The following SORBS3 variants were observed in gnomAD, a reference collection of about 807,000 sequenced individuals.
SORBS3 encodes sorbin and SH3 domain containing 3, also known as vinexin.
Under a neutral mutation model 98.0 loss-of-function variants are expected in SORBS3, and 69 were observed. The observed-to-expected ratio is 0.70, with a 90% CI of 0.58 to 0.86. SORBS3 has a LOEUF of 0.86. SORBS3 is among the 40% of genes least tolerant of loss of function. SORBS3 has a pLI of 0.00. For synonymous variants in SORBS3, 394 were observed against 355.4 expected (o/e 1.11, Z -1.22); for missense variants, 954 against 908.5 (o/e 1.05, Z -0.64).
At chr8:22,558,226 A>T (rs775696397) in intron 5 of SORBS3, 34 bp downstream of exon 5, 1 of 1,602,420 alleles carries the variant, frequency 6.2e-7, no homozygotes, top group Non-Finnish European at 8.6e-7. Context: ...CTCCCTGCCA[A>T]AGTGGATTCT....
At position 22,552,013 on chromosome 8, in the gene SORBS3, G is replaced by T; in HGVS notation, c.-65G>T. Reference sequence around the variant, plus strand: ...CGGCCTCGGGCCCAGCCACCTGCTCGCCGGGGAAGGTAGGTCCGGGCAAGG... The same window carrying T: ...CGGCCTCGGGCCCAGCCACCTGCTCTCCGGGGAAGGTAGGTCCGGGCAAGG... On this transcript the variant is annotated 5_prime_UTR_variant, in exon 1 of 21. Transcript: ENST00000240123. 1 of 985,084 alleles carries T rather than the reference G, an allele frequency of 1.0e-6. No homozygotes were observed. The highest frequency in any genetic ancestry group is 1.2e-6 in the Non-Finnish European group (1 of 829,868). The allele number at this position is 985,084 out of a possible 1,614,324, so 61.0% of individuals were successfully genotyped here. A position where few individuals can be genotyped will look rare whatever the true frequency, so the allele number is the denominator to read the frequency against.
intron 1 of SORBS3, among the ~76,000 whole-genome samples, chr8:22,552,241 G>T (rs892544925): frequency 1.4e-4 from 21 of 152,282 alleles, no homozygotes; most frequent in Middle Eastern, 3.4e-3. Flanking sequence ...AGCTCTTAGG[G>T]CCAGGCACCC....
chr8:22,574,266 G>A (rs190399048), intron 20 of SORBS3, among the ~76,000 whole-genome samples: 4 of 152,216 alleles, frequency 2.6e-5, no homozygotes, highest in East Asian at 1.9e-4. Flanking sequence ...GGGTGCTCTC[G>A]GGCAATGCAT....
chr8:22,560,561 TTGAG>T (rs2117239543), intron 5 of SORBS3, among the ~76,000 whole-genome samples: 1 of 152,006 alleles, frequency 6.6e-6, no homozygotes, highest in South Asian at 2.1e-4. Flanking sequence ...AGCTGATGGG[TTGAG>T]TAAGATGAAT....
At chr8:22,574,481 C>G (rs776419505) in intron 20 of SORBS3, among the ~76,000 whole-genome samples, 186 bp from the exon 21 acceptor site, 2 of 152,152 alleles carry the variant, frequency 1.3e-5, no homozygotes, top group Non-Finnish European at 2.9e-5. Context: ...GGAAGTGTAG[C>G]TTTGCCCATC....
At chr8:22,557,120 C>T (rs1014479603) in intron 4 of SORBS3, among the ~76,000 whole-genome samples, 3 of 152,108 alleles carry the variant, frequency 2.0e-5, no homozygotes, top group African/African-American at 4.8e-5. Context: ...GTGGTTTGTG[C>T]GGGGTACAGA....
upstream of SORBS3, among the ~76,000 whole-genome samples, chr8:22,547,331 T>TA (rs1840026289): frequency 6.6e-6 from 1 of 152,086 alleles, no homozygotes; most frequent in Non-Finnish European, 1.5e-5. Flanking sequence ...TCTTGCCTTT[T>TA]TTTTTTTTAT....
intron 5 of SORBS3, among the ~76,000 whole-genome samples, chr8:22,559,616 T>C (rs570239479): frequency 2.0e-5 from 3 of 151,982 alleles, no homozygotes; most frequent in African/African-American, 7.2e-5. Context: ...GGCAGGAGAA[T>C]TGCTTGAACC....
chr8:22,566,473 C>T lies in SORBS3; in HGVS notation c.1079C>T (p.Ser360Phe), dbSNP rs1402549095. The T allele has an allele frequency of 1.2e-6, 2 of 1,613,634 alleles. No homozygotes were observed. Among genetic ancestry groups the T allele is most frequent in the Non-Finnish European group, 1.7e-6 (2 of 1,179,820 alleles). Reference sequence around the variant, plus strand: ...GGTCGGAGGGACTTTGTCTACCCTTCCTCAACCCGAGGTAAGGACCCAGCC... The same window carrying T: ...GGTCGGAGGGACTTTGTCTACCCTTTCTCAACCCGAGGTAAGGACCCAGCC... The part of the protein sequence containing the change: ...FLGRRDFVYP[S>F]STRDPSASNG... Residue 360 changes from serine to phenylalanine, a missense_variant, in exon 13 of 21, where the codon TCC becomes TTC. By Grantham distance (155) the Ser-to-Phe change is radical. Coordinates refer to ENST00000240123, the MANE Select transcript of SORBS3 (RefSeq NM_005775.5).
chr8:22,557,046 G>C, intron 4 of SORBS3, 138 bp downstream of exon 4: 1 of 977,746 alleles, frequency 1.0e-6, no homozygotes, highest in African/African-American at 1.6e-5. Context: ...TTCAACCGTG[G>C]TGGGGTTCAG....
intron 5 of SORBS3, among the ~76,000 whole-genome samples, chr8:22,559,506 G>C (rs570537606): frequency 7.6e-4 from 115 of 152,276 alleles, no homozygotes; most frequent in Non-Finnish European, 1.5e-3. Flanking sequence ...TTCGAGACCA[G>C]CCTGGGCAAC....
upstream of SORBS3, chr8:22,544,985 C>T (rs902879258): frequency 2.6e-5 from 4 of 152,192 alleles, no homozygotes; most frequent in East Asian, 5.8e-4. Flanking sequence ...TTTCCTTGCC[C>T]AGGCAGAAAA....
chr8:22,564,867 C>T, intron 10 of SORBS3: 1 of 852,792 alleles, frequency 1.2e-6, no homozygotes. Flanking sequence ...CAGGAAGCAG[C>T]GTGGGGGTGG....
At chr8:22,573,549 C>CT in intron 20 of SORBS3, 1 of 401,420 alleles carries the variant, frequency 2.5e-6, no homozygotes, top group Non-Finnish European at 5.0e-6. Flanking sequence ...GAGTGGTGCC[C>CT]ATTTTAGTTA....
intron 16 of SORBS3, 67 bp downstream of exon 16, chr8:22,567,242 T>C (rs950199039): frequency 2.5e-6 from 3 of 1,193,594 alleles, no homozygotes; most frequent in East Asian, 2.3e-5. Context: ...AGAGACTTAG[T>C]GCAAACCTTG....
intron 20 of SORBS3, chr8:22,573,365 T>G (rs1300557220): frequency 2.2e-6 from 1 of 456,240 alleles, no homozygotes; most frequent in Admixed American, 2.3e-5. Context: ...AAGTACCACT[T>G]TTGTATTAGG....
intron 7 of SORBS3, among the ~76,000 whole-genome samples, chr8:22,563,253 T>G (rs1399018671): frequency 6.6e-6 from 1 of 152,250 alleles, no homozygotes; most frequent in Non-Finnish European, 1.5e-5. Context: ...AGACGTTGTA[T>G]TATTTGATAA....
At chr8:22,550,771 C>G (rs142754161), upstream of SORBS3, among the ~76,000 whole-genome samples, 5 of 152,300 alleles carry the variant, frequency 3.3e-5, no homozygotes, top group East Asian at 9.6e-4. Context: ...CAGGAGATTA[C>G]GTTAGTTTTC....
At chr8:22,556,390 G>A (rs1379489692) in intron 3 of SORBS3, among the ~76,000 whole-genome samples, 1 of 152,132 alleles carries the variant, frequency 6.6e-6, no homozygotes, top group Non-Finnish European at 1.5e-5. Context: ...TCTAAGCCCA[G>A]CATCTTTACT....
Sources: gnomAD v4.1 joint callset for allele counts (sites outside exome capture counted in the v4.1 genomes callset) on GRCh38, gnomAD v4.1.1 for gene constraint, MANE v1.5 for transcripts, NCBI Gene and HGNC (gene_info 2026-07-23, HGNC 2026-07-21) for gene names.